LARP1B: variants seen among roughly 807,000 people sequenced by gnomAD.
LARP1B encodes the protein La ribonucleoprotein 1B, also known as la-related protein 1B.
In LARP1B, 76 loss-of-function variants were observed where a neutral mutation model predicts 114.2. The ratio of observed to expected loss-of-function variants is 0.67; its 90% CI spans 0.55 to 0.81. LARP1B has a LOEUF of 0.81. LARP1B is among the 30% of genes least tolerant of loss of function. LARP1B has a pLI of 0.00. For synonymous variants in LARP1B, 345 were observed against 348.0 expected (o/e 0.99, Z 0.10); for missense variants, 1,014 against 1,075.8 (o/e 0.94, Z 0.80).
At chr4:128,062,592 CTTTT>C (rs10659836) in intron 1 of LARP1B, among the ~76,000 whole-genome samples, 2 of 128,274 alleles carry the variant, frequency 1.6e-5, no homozygotes, top group South Asian at 2.5e-4. Context: ...TTTTGGTAGA[CTTTT>C]TTTTTTTTTT....
chr4:128,124,605 A>G (rs1788977383), intron 11 of LARP1B, among the ~76,000 whole-genome samples: 1 of 152,226 alleles, frequency 6.6e-6, no homozygotes, highest in Non-Finnish European at 1.5e-5. Flanking sequence ...GCAGTGTGAC[A>G]TCTAATTTTT....
chr4:128,146,891 A>G (rs928745511), intron 11 of LARP1B, among the ~76,000 whole-genome samples: 3 of 152,232 alleles, frequency 2.0e-5, no homozygotes, highest in Non-Finnish European at 4.4e-5. Context: ...GTCCTAAATA[A>G]CGAATATTCT....
intron 11 of LARP1B, among the ~76,000 whole-genome samples, chr4:128,150,184 G>A (rs547428785): frequency 2.6e-5 from 4 of 151,942 alleles, no homozygotes; most frequent in South Asian, 4.2e-4. Flanking sequence ...CAAAAAAGGT[G>A]TGGTTATTAT....
At chr4:128,176,977 A>G (rs1581319809) in intron 13 of LARP1B, 70 bp downstream of exon 13, 1 of 1,325,580 alleles carries the variant, frequency 7.5e-7, no homozygotes, top group East Asian at 2.3e-5. Context: ...AAGATGCAGG[A>G]AAGGGACTTT....
chr4:128,179,227 T>C, intron 14 of LARP1B, 179 bp from the exon 15 acceptor site: 2 of 423,428 alleles, frequency 4.7e-6, no homozygotes, highest in Non-Finnish European at 8.3e-6. Context: ...AAGGACTTTA[T>C]TTATTAAGTT....
At chr4:128,073,586 T>TTG (rs1766475394) in intron 1 of LARP1B, among the ~76,000 whole-genome samples, 1 of 29,634 alleles carries the variant, frequency 3.4e-5, no homozygotes, top group African/African-American at 1.2e-4. Context: ...TTTTTTTTTT[T>TTG]TTTTTTTTTT....
chr4:128,123,460 C>A, intron 11 of LARP1B: 1 of 847,090 alleles, frequency 1.2e-6, no homozygotes, highest in Non-Finnish European at 1.4e-6. Context: ...TTATCCTTCC[C>A]CCATTCTCTA....
intron 15 of LARP1B, among the ~76,000 whole-genome samples, chr4:128,195,338 ATCTC>A (rs1753726662): frequency 2.6e-5 from 4 of 152,232 alleles, no homozygotes; most frequent in Admixed American, 1.3e-4. Flanking sequence ...GGAATTCTTT[ATCTC>A]TCATTGTTCC....
At chr4:128,111,472 G>A (rs1424348079) in intron 9 of LARP1B, among the ~76,000 whole-genome samples, 4 of 152,144 alleles carry the variant, frequency 2.6e-5, no homozygotes, top group Non-Finnish European at 4.4e-5. Flanking sequence ...ATTGAGGTGA[G>A]AGGATTGCTT....
In LARP1B at chr4:128,136,854, G is replaced by T. The variant is rs141146877; in HGVS notation, c.1524+14666G>T. 1.9e-4 allele frequency among the ~76,000 whole-genome samples: 29 copies of T among 152,178 alleles called. No individual in the cohort carries two copies. In the East Asian group the frequency reaches 5.4e-3, roughly 28 times the overall value. ...TGGCCTCAAGAGATTCTATGGCCTT[G>T]CCCTCCCAAAGTGTTGGGATTATAG... On this transcript the variant is annotated intron_variant, in intron 11 of 19. Coordinates refer to ENST00000326639, the MANE Select transcript of LARP1B (RefSeq NM_018078.4).
At chr4:128,158,611 A>G (rs1736927549) in intron 11 of LARP1B, among the ~76,000 whole-genome samples, 1 of 152,246 alleles carries the variant, frequency 6.6e-6, no homozygotes, top group African/African-American at 2.4e-5. Flanking sequence ...TTGAATAGTC[A>G]TCTCAACAAA....
At chr4:128,177,164 T>C (rs562209981) in intron 13 of LARP1B, among the ~76,000 whole-genome samples, 1 of 152,012 alleles carries the variant, frequency 6.6e-6, no homozygotes, top group Non-Finnish European at 1.5e-5. Flanking sequence ...TGGGAAACAC[T>C]GAAGGATGTT....
intron 11 of LARP1B, chr4:128,155,957 G>C: frequency 6.5e-7 from 1 of 1,531,116 alleles, no homozygotes; most frequent in South Asian, 1.2e-5. Flanking sequence ...AGCGGCACCA[G>C]CAGCCCGCCA....
intron 1 of LARP1B, among the ~76,000 whole-genome samples, chr4:128,074,015 A>G (rs973140967): frequency 6.6e-5 from 10 of 151,574 alleles, no homozygotes; most frequent in African/African-American, 1.7e-4. Context: ...ATCTCAGCTT[A>G]CCGCATCCTC....
chr4:128,202,338 A>G (rs1379942788), intron 17 of LARP1B, among the ~76,000 whole-genome samples: 2 of 152,234 alleles, frequency 1.3e-5, no homozygotes, highest in Non-Finnish European at 2.9e-5. Context: ...TGGTTCTAAC[A>G]TGCTTTAAAA....
intron 11 of LARP1B, among the ~76,000 whole-genome samples, chr4:128,136,962 CAAT>C (rs929349968): frequency 1.3e-5 from 2 of 151,952 alleles, no homozygotes; most frequent in African/African-American, 4.8e-5. Context: ...TTCCCCAAAA[CAAT>C]GATATGTTTT....
At position 128,091,112 on chromosome 4, in the gene LARP1B, G is replaced by T. The variant is rs143377506; in HGVS notation, c.470G>T (p.Arg157Leu). ...SFRGRGRGRGRGRGRGRGNPR... is the reference protein window; with the variant it reads ...SFRGRGRGRGLGRGRGRGNPR... ...AGAGGTCGAGGAAGAGGCCGAGGAC[G>T]GGGAAGAGGACGAGGCAGAGGAAAT... Residue 157 changes from arginine to leucine, a missense_variant, in exon 6 of 20, where the codon CGG (arginine) becomes CTG (leucine). Physicochemically the swap from Arg to Leu is moderately radical, Grantham distance 102 (BLOSUM62 -2). Transcript: ENST00000326639. The T allele has an allele frequency of 6.2e-7, 1 of 1,613,678 alleles. No individual in the cohort carries two copies. Among genetic ancestry groups the T allele is most frequent in the Admixed American group, 1.7e-5 (1 of 59,954 alleles).
intron 5 of LARP1B, among the ~76,000 whole-genome samples, chr4:128,086,319 T>C (rs1773538200): frequency 6.6e-6 from 1 of 152,020 alleles, no homozygotes; most frequent in South Asian, 2.1e-4. Context: ...TGTCATAGTA[T>C]TCTTTGGCAT....
intron 1 of LARP1B, among the ~76,000 whole-genome samples, chr4:128,071,421 A>ATT (rs778799614): frequency 3.3e-4 from 36 of 108,372 alleles, no homozygotes; most frequent in African/African-American, 7.3e-4. Flanking sequence ...TTCTTTCACA[A>ATT]TTTTTTTTTT....
Sources: allele counts gnomAD v4.1 joint callset (sites outside exome capture counted in the v4.1 genomes callset), GRCh38; gene constraint gnomAD v4.1.1; transcripts MANE v1.5; gene names NCBI Gene and HGNC (gene_info 2026-07-23, HGNC 2026-07-21).